Variants in PCED1B observed in about 807,000 individuals in gnomAD.
The protein encoded by PCED1B is PC-esterase domain containing 1B, also known as PC-esterase domain-containing protein 1B.
For missense variants in PCED1B, 573 were observed against 573.9 expected (o/e 1.00, Z 0.02); for synonymous variants, 251 against 246.1 (o/e 1.02, Z -0.19).
intron 2 of PCED1B, among the ~76,000 whole-genome samples, chr12:47,202,572 C>G (rs1305676181): frequency 7.8e-6 from 1 of 128,378 alleles, no homozygotes; most frequent in Non-Finnish European, 1.6e-5. Flanking sequence ...CTGAATTTGA[C>G]TCCTTCACGT....
chr12:47,107,684 C>T (rs569656050), intron 2 of PCED1B, among the ~76,000 whole-genome samples: 1 of 152,268 alleles, frequency 6.6e-6, no homozygotes, highest in Non-Finnish European at 1.5e-5. Context: ...GGATGCAGTG[C>T]CTCAGGGATG....
intron 2 of PCED1B, among the ~76,000 whole-genome samples, chr12:47,149,956 C>T (rs1025334348): frequency 6.6e-6 from 1 of 152,014 alleles, no homozygotes; most frequent in Non-Finnish European, 1.5e-5. Context: ...TTAACCCATC[C>T]CCTCAAGCAT....
intron 2 of PCED1B, among the ~76,000 whole-genome samples, chr12:47,176,256 T>C (rs77740947): frequency 0.022 from 3,406 of 152,262 alleles, 98 homozygotes; most frequent in African/African-American, 0.064. Flanking sequence ...GCAATAGAGG[T>C]GCTAGGTGCA....
rs188748462 is a variant in PCED1B, at chr12:47,141,318, A to G, written c.-526+37123A>G. ...AGGTTGCAAAACCCAAGCACAGCCT[A>G]AGACCAAAGATGGCTCCTTTGAAAG... is the stretch of plus-strand genomic sequence containing the variant. On this transcript the variant is annotated intron_variant, in intron 2 of 3. Coordinates refer to ENST00000546455, the MANE Select transcript of PCED1B (RefSeq NM_138371.3). Among the ~76,000 whole-genome samples the G allele has an allele frequency of 2.6e-5, 4 of 152,296 alleles. No homozygotes were observed. The East Asian group carries it at 7.7e-4, about 29-fold the overall frequency.
At chr12:47,165,046 T>G (rs941226371) in intron 2 of PCED1B, among the ~76,000 whole-genome samples, 1 of 152,218 alleles carries the variant, frequency 6.6e-6, no homozygotes, top group Non-Finnish European at 1.5e-5. Context: ...AGACCAATGT[T>G]GGCCTGCCCA....
At chr12:47,203,675 A>C (rs1942833691) in intron 2 of PCED1B, among the ~76,000 whole-genome samples, 1 of 152,220 alleles carries the variant, frequency 6.6e-6, no homozygotes, top group Non-Finnish European at 1.5e-5. Context: ...AGTATTCTGC[A>C]GTGTATATGA....
At chr12:47,234,231 A>C (rs1326021835) in intron 3 of PCED1B, among the ~76,000 whole-genome samples, 1 of 151,872 alleles carries the variant, frequency 6.6e-6, no homozygotes, top group African/African-American at 2.4e-5. Flanking sequence ...CGGGTGATCC[A>C]CCCTCCTCGG....
At chr12:47,202,591 T>A in intron 2 of PCED1B, among the ~76,000 whole-genome samples, 1 of 99,264 alleles carries the variant, frequency 1.0e-5, no homozygotes, top group African/African-American at 3.9e-5. Context: ...GTCTAGACAT[T>A]AGTAAAAAAA....
chr12:47,236,352 G>C lies in PCED1B; in HGVS notation c.1289G>C (p.Arg430Thr). ...AGGGCCCCAGCCAATCCTGAGCCAA[G>C]GCCTCAATAGACGGACCTAGGCCTT... is the stretch of plus-strand genomic sequence containing the variant. ...KRRAPANPEP[R>T]PQ is the part of the protein sequence containing the mutation. Residue 430 changes from arginine to threonine, a missense_variant, in exon 4 of 4, where the codon AGG (arginine) becomes ACG (threonine). By Grantham distance (71) the Arg-to-Thr change is moderately conservative. Coordinates refer to ENST00000546455, the MANE Select transcript of PCED1B (RefSeq NM_138371.3). 8 of 1,595,350 alleles carry C rather than the reference G, an allele frequency of 5.0e-6. No homozygotes were observed. Among genetic ancestry groups the C allele is most frequent in the Non-Finnish European group, 6.8e-6 (8 of 1,172,254 alleles).
At chr12:47,106,421 G>A (rs1387630419) in intron 2 of PCED1B, among the ~76,000 whole-genome samples, 8 of 152,106 alleles carry the variant, frequency 5.3e-5, no homozygotes, top group South Asian at 2.1e-4. Context: ...TGCGAGTTGC[G>A]TAATGGGAAG....
At chr12:47,101,019 G>A (rs936925096) in intron 1 of PCED1B, among the ~76,000 whole-genome samples, 8 of 152,038 alleles carry the variant, frequency 5.3e-5, no homozygotes, top group Non-Finnish European at 8.8e-5. Flanking sequence ...GCAGTGAGCC[G>A]AGATCGTGCC....
intron 3 of PCED1B, among the ~76,000 whole-genome samples, chr12:47,227,822 C>T (rs796696170): frequency 3.2e-4 from 49 of 151,988 alleles, no homozygotes; most frequent in African/African-American, 1.2e-3. Flanking sequence ...CACTGCACTC[C>T]AGCCTGGGTG....
intron 2 of PCED1B, among the ~76,000 whole-genome samples, chr12:47,129,701 C>T (rs1158343715): frequency 2.0e-5 from 3 of 152,112 alleles, no homozygotes; most frequent in African/African-American, 7.2e-5. Context: ...CTCCTGAAAT[C>T]AGATGCCCAT....
intron 2 of PCED1B, among the ~76,000 whole-genome samples, chr12:47,146,387 T>C (rs1004824330): frequency 6.6e-6 from 1 of 152,182 alleles, no homozygotes; most frequent in East Asian, 1.9e-4. Context: ...AGTGGCAGGG[T>C]TTGAGGGGAT....
At chr12:47,095,844 T>C (rs890092505) in intron 1 of PCED1B, among the ~76,000 whole-genome samples, 3 of 149,018 alleles carry the variant, frequency 2.0e-5, no homozygotes, top group African/African-American at 7.4e-5. Flanking sequence ...TAATCATAAG[T>C]ATTATAAATT....
chr12:47,225,273 A>G (rs1185648716), intron 3 of PCED1B, among the ~76,000 whole-genome samples: 2 of 152,116 alleles, frequency 1.3e-5, no homozygotes, highest in Non-Finnish European at 2.9e-5. Flanking sequence ...ACAGCATAGC[A>G]TCTCTCAGTA....
At chr12:47,172,428 C>A (rs1941782147) in intron 2 of PCED1B, among the ~76,000 whole-genome samples, 2 of 149,344 alleles carry the variant, frequency 1.3e-5, no homozygotes, top group South Asian at 4.2e-4. Flanking sequence ...GAGATTGCAC[C>A]ATGGCACATG....
intron 2 of PCED1B, among the ~76,000 whole-genome samples, chr12:47,176,153 G>A (rs1203747016): frequency 2.0e-5 from 3 of 152,142 alleles, no homozygotes; most frequent in Non-Finnish European, 4.4e-5. Context: ...AGGAAGAGAA[G>A]TACGATATTG....
At position 47,202,119 on chromosome 12, in the gene PCED1B, C is replaced by T. The variant is rs145962079; in HGVS notation, c.-525-14103C>T. 1.5e-3 allele frequency among the ~76,000 whole-genome samples: 225 copies of T among 152,244 alleles called. 1 individual carries two copies. Among genetic ancestry groups the T allele is most frequent in the South Asian group, 9.1e-3 (44 of 4,830 alleles). ...AAATATAAATATCACCTAGAGGATA[C>T]TTATGAAGCATTCAGGCTTCGAGAA... On this transcript the variant is annotated intron_variant, in intron 2 of 3. Transcript: ENST00000546455.
Sources: gnomAD v4.1 joint callset for allele counts (sites outside exome capture counted in the v4.1 genomes callset) on GRCh38, gnomAD v4.1.1 for gene constraint, MANE v1.5 for transcripts, NCBI Gene and HGNC (gene_info 2026-07-23, HGNC 2026-07-21) for gene names.